The following ATP11A variants were observed in gnomAD, a reference collection of about 807,000 sequenced individuals.
ATP11A encodes the protein ATPase phospholipid transporting 11A, also known as phospholipid-transporting ATPase IH.
Under a neutral mutation model 154.4 loss-of-function variants are expected in ATP11A, and 81 were observed. The observed-to-expected ratio is 0.52, with a 90% confidence interval of 0.44 to 0.63. The LOEUF (loss-of-function observed/expected upper bound fraction) is 0.63. ATP11A is among the 30% of genes least tolerant of loss of function. ATP11A has a pLI of 0.00. For missense variants in ATP11A, 1,316 were observed against 1,474.3 expected, an observed-to-expected ratio of 0.89 and a Z score of 1.76; for synonymous variants, 623 against 585.9, an observed-to-expected ratio of 1.06 and a Z score of -0.91.
chr13:112,735,800 A>C (rs1307408754), intron 1 of ATP11A, among the ~76,000 whole-genome samples: 1 of 152,170 alleles, frequency 6.6e-6, no homozygotes, highest in African/African-American at 2.4e-5. Flanking sequence ...TCTCAGTGTA[A>C]AGTTAAGCAG....
In ATP11A at chr13:112,806,311, G is replaced by A. The variant is rs760057686; in HGVS notation, c.333+18G>A. ...TCAAACAGGTAAGCATTTTACAGAC[G>A]AAAAAGAAGCAATCGTCATCTTCAC... On this transcript the variant is annotated intron_variant, in intron 4 of 29. Coordinates refer to ENST00000375645, the MANE Select transcript of ATP11A (RefSeq NM_015205.3). 1.0e-5 allele frequency: 16 copies of A among 1,587,902 alleles called. No homozygotes were observed. The highest frequency in any genetic ancestry group is 8.1e-5 in the African/African-American group (6 of 74,294).
At chr13:112,737,560 A>T (rs1891122982) in intron 1 of ATP11A, among the ~76,000 whole-genome samples, 1 of 152,214 alleles carries the variant, frequency 6.6e-6, no homozygotes, top group Non-Finnish European at 1.5e-5. Context: ...GAGGAACAGC[A>T]TGGGCAGAGG....
At chr13:112,834,858 A>G (rs2079189651) in intron 15 of ATP11A, among the ~76,000 whole-genome samples, 198 bp downstream of exon 15, 2 of 152,268 alleles carry the variant, frequency 1.3e-5, no homozygotes, top group Non-Finnish European at 1.5e-5. Flanking sequence ...GCTTGGGTGC[A>G]GCCACAGCGC....
At chr13:112,862,124 G>A (rs2080126977) in intron 24 of ATP11A, among the ~76,000 whole-genome samples, 1 of 152,262 alleles carries the variant, frequency 6.6e-6, no homozygotes, top group African/African-American at 2.4e-5. Flanking sequence ...GAACGTCAGG[G>A]GTGTGCCTTG....
intron 1 of ATP11A, among the ~76,000 whole-genome samples, chr13:112,700,747 G>C (rs1470018801): frequency 6.6e-6 from 1 of 152,186 alleles, no homozygotes; most frequent in Non-Finnish European, 1.5e-5. Flanking sequence ...TCCAACATGC[G>C]GTCTCAAACC....
At position 112,785,006 on chromosome 13, in the gene ATP11A, C is replaced by A. The variant is rs1057447269; in HGVS notation, c.40-129C>A. ...GCTGGGCCCCAGGTCTCCCTGCAGC[C>A]CTGAACGATGCTCTCAGCAGCAGGT... is the stretch of plus-strand genomic sequence containing the variant. On this transcript the variant is annotated intron_variant, in intron 1 of 29. Coordinates refer to ENST00000375645, the MANE Select transcript of ATP11A (RefSeq NM_015205.3). This position sits in a 1 kb window ranked among gnomAD's most constrained non-coding sequence, Gnocchi z 4.8. The A allele has an allele frequency of 3.3e-6, 4 of 1,224,786 alleles. No homozygotes were observed. In the African/African-American group the frequency reaches 4.7e-5, roughly 14 times the overall value. 75.9% of individuals were successfully genotyped at this position (1,224,786 alleles called of 1,614,324 possible).
rs1307190876 is a variant in ATP11A at position 112,746,995 on chromosome 13, T to G, written c.40-38140T>G. The G allele has an allele frequency of 6.6e-6, 1 of 152,122 alleles. No homozygotes were observed. Among genetic ancestry groups the G allele is most frequent in the Non-Finnish European group, 1.5e-5 (1 of 68,018 alleles). 9.4% of individuals were successfully genotyped at this position (152,122 alleles called of 1,614,324 possible). A position where few individuals can be genotyped will look rare whatever the true frequency, so the allele number is the denominator to read the frequency against. On this transcript the variant is annotated intron_variant, in intron 1 of 29. Coordinates refer to ENST00000375645, the MANE Select transcript of ATP11A (RefSeq NM_015205.3). This position sits in a 1 kb window ranked among gnomAD's most constrained non-coding sequence, Gnocchi z 4.1. Reference sequence around the variant, plus strand: ...CATTGGCTTGCATTGGCATAGTTTTTTTTTTTTTAACTTCCTAAGTGGTAC... The same window carrying G: ...CATTGGCTTGCATTGGCATAGTTTTGTTTTTTTTAACTTCCTAAGTGGTAC...
At chr13:112,813,801 G>A (rs1035640137) in intron 5 of ATP11A, among the ~76,000 whole-genome samples, 3 of 152,034 alleles carry the variant, frequency 2.0e-5, no homozygotes, top group Non-Finnish European at 4.4e-5. Flanking sequence ...ATATGTCCCT[G>A]ACGGCTCTGT....
intron 6 of ATP11A, among the ~76,000 whole-genome samples, chr13:112,818,153 G>A (rs1046007117): frequency 2.0e-5 from 3 of 150,998 alleles, no homozygotes; most frequent in Non-Finnish European, 4.4e-5. Flanking sequence ...GGCGGTGACC[G>A]TGTGTGCGCT....
rs905798964 is a variant in ATP11A at position 112,883,859 on chromosome 13, T to G, written c.*1993T>G. The G allele has an allele frequency of 2.8e-4, 42 of 152,608 alleles. No individual in the cohort carries two copies. The highest frequency in any genetic ancestry group is 1.0e-3 in the African/African-American group (42 of 41,466). 9.5% of individuals were successfully genotyped at this position (152,608 alleles called of 1,614,324 possible). On this transcript the variant is annotated 3_prime_UTR_variant, in exon 30 of 30. Transcript: ENST00000375645. ...CCTTTTTAGGAACCCAATATGGGCA[T>G]AAATGTAACACCTGTAGCGGGGGCA...
rs986047993 is a variant in ATP11A, at chr13:112,856,206, A to T, written c.2418+121A>T. On this transcript the variant is annotated intron_variant, in intron 20 of 29. Coordinates refer to ENST00000375645, the MANE Select transcript of ATP11A (RefSeq NM_015205.3). ...TAGCAGGGTACCACCTGTTAAAAAT[A>T]GAAGCAACCGTGATAGAGATTTAAA... is the stretch of plus-strand genomic sequence containing the variant. 4 of 996,040 alleles carry T rather than the reference A, an allele frequency of 4.0e-6. No individual in the cohort carries two copies. In the East Asian group the frequency reaches 1.0e-4, roughly 26 times the overall value. The allele number at this position is 996,040 out of a possible 1,614,324, so 61.7% of individuals were successfully genotyped here.
At position 112,884,350 on chromosome 13, in the gene ATP11A, C is replaced by A. The variant is rs1465717449; in HGVS notation, c.*2484C>A. 1 of 152,560 alleles carries A rather than the reference C, an allele frequency of 6.6e-6. No individual in the cohort carries two copies. Among genetic ancestry groups the A allele is most frequent in the Admixed American group, 6.5e-5 (1 of 15,276 alleles). The allele number at this position is 152,560 out of a possible 1,614,324, so 9.5% of individuals were successfully genotyped here. On this transcript the variant is annotated 3_prime_UTR_variant, in exon 30 of 30. Coordinates refer to ENST00000375645, the MANE Select transcript of ATP11A (RefSeq NM_015205.3). ...ACGTGAAGGTTTAGTAAGTTGGGTC[C>A]CAGCTCTGCCTGTGTGGAGATAGTC...
intron 5 of ATP11A, among the ~76,000 whole-genome samples, chr13:112,813,047 C>T (rs1255743188): frequency 6.6e-6 from 1 of 152,094 alleles, no homozygotes; most frequent in East Asian, 1.9e-4. Flanking sequence ...AGCTCTGTAT[C>T]CTGTGTGTCG....
At chr13:112,819,102 C>T (rs2078724775) in intron 6 of ATP11A, among the ~76,000 whole-genome samples, 1 of 152,180 alleles carries the variant, frequency 6.6e-6, no homozygotes, top group African/African-American at 2.4e-5. Flanking sequence ...GTGGAGGACA[C>T]TGGGTAAGAA....
intron 16 of ATP11A, among the ~76,000 whole-genome samples, chr13:112,836,901 G>A (rs1290967529): frequency 6.6e-6 from 1 of 152,238 alleles, no homozygotes; most frequent in Non-Finnish European, 1.5e-5. Flanking sequence ...TGCCTCTGCA[G>A]TCCAGGTGGA....
At chr13:112,736,465 A>G (rs748837644) in intron 1 of ATP11A, among the ~76,000 whole-genome samples, 15 of 152,202 alleles carry the variant, frequency 9.9e-5, no homozygotes, top group Non-Finnish European at 4.4e-5. Context: ...ACGAAGCGTT[A>G]TCTTACATGT....
chr13:112,728,578 T>C (rs1323083480), intron 1 of ATP11A, among the ~76,000 whole-genome samples: 1 of 148,602 alleles, frequency 6.7e-6, no homozygotes, highest in Non-Finnish European at 1.5e-5. Flanking sequence ...ATGTACCGCG[T>C]TGTCACTATC....
chr13:112,826,519 C>G (rs539892153), intron 11 of ATP11A, among the ~76,000 whole-genome samples, 175 bp from the exon 12 acceptor site: 19 of 151,998 alleles, frequency 1.3e-4, no homozygotes, highest in African/African-American at 3.9e-4. Context: ...GCTCAGAGAC[C>G]AGGTGACCCA....
rs2080943570 is a variant in ATP11A, at chr13:112,884,540, C to CA, written c.*2675dup. On this transcript the variant is annotated 3_prime_UTR_variant, in exon 30 of 30. Coordinates refer to ENST00000375645, the MANE Select transcript of ATP11A (RefSeq NM_015205.3). Reference sequence around the variant, plus strand: ...AAAAAGAAAAGGATGAGAAGATCCTCAGTGAATGACGTTGCAGGGTCTTCA... The same window carrying CA: ...AAAAAGAAAAGGATGAGAAGATCCTCAAGTGAATGACGTTGCAGGGTCTTCA... 6.6e-6 allele frequency: 1 copy of CA among 152,246 alleles called. No individual in the cohort carries two copies. Among genetic ancestry groups the CA allele is most frequent in the Non-Finnish European group, 1.5e-5 (1 of 68,056 alleles). 9.4% of individuals were successfully genotyped at this position (152,246 alleles called of 1,614,324 possible).
Sources: gnomAD v4.1 joint callset for allele counts (sites outside exome capture counted in the v4.1 genomes callset) on GRCh38, gnomAD v4.1.1 for gene constraint, Gnocchi (gnomAD v3.1) non-coding constraint, MANE v1.5 for transcripts, NCBI Gene and HGNC (gene_info 2026-07-23, HGNC 2026-07-21) for gene names.